CREB5: variants seen among roughly 807,000 people sequenced by gnomAD.
CREB5 encodes the protein cAMP responsive element binding protein 5, also known as cyclic AMP-responsive element-binding protein 5.
A neutral mutation model predicts 57.1 loss-of-function variants in CREB5; 19 were observed. The observed-to-expected ratio is 0.33, with a 90% CI of 0.23 to 0.49. CREB5 has a LOEUF of 0.49. Among genes scored for constraint, CREB5 ranks in the 20% least tolerant of loss-of-function variants. The pLI, the probability that CREB5 is intolerant of heterozygous loss-of-function variation, is 0.99. For synonymous variants in CREB5, 238 were observed against 238.3 expected, an observed-to-expected ratio of 1.00 and a Z score of 0.01; for missense variants, 579 against 671.6, an observed-to-expected ratio of 0.86 and a Z score of 1.52.
chr7:28,781,399 A>C (rs1259697683), intron 7 of CREB5, among the ~76,000 whole-genome samples: 1 of 152,222 alleles, frequency 6.6e-6, no homozygotes, highest in Non-Finnish European at 1.5e-5. Context: ...GGTCTTAAGG[A>C]ATCTACATGA....
intron 7 of CREB5, among the ~76,000 whole-genome samples, chr7:28,742,289 G>A (rs756784345): frequency 2.4e-4 from 36 of 150,786 alleles, no homozygotes; most frequent in Admixed American, 2.2e-3. Flanking sequence ...AAACCCGGCC[G>A]GGCGCGGTGG....
At chr7:28,647,381 AAAG>A (rs1182305675) in intron 5 of CREB5, among the ~76,000 whole-genome samples, 2 of 151,946 alleles carry the variant, frequency 1.3e-5, no homozygotes, top group African/African-American at 4.8e-5. Flanking sequence ...ATTCCCCCCA[AAAG>A]AGGAAAGTAG....
chr7:28,554,154 C>A (rs1294400399), intron 4 of CREB5, among the ~76,000 whole-genome samples: 1 of 152,186 alleles, frequency 6.6e-6, no homozygotes, highest in Non-Finnish European at 1.5e-5. Flanking sequence ...TCTAAAATCA[C>A]CCATCGTCAC....
intron 5 of CREB5, among the ~76,000 whole-genome samples, chr7:28,710,041 C>A (rs772051807): frequency 6.6e-6 from 1 of 152,106 alleles, no homozygotes; most frequent in African/African-American, 2.4e-5. Context: ...TATCCTTGGC[C>A]TTTTCTTATG....
At chr7:28,787,389 G>A (rs1807393442) in intron 7 of CREB5, among the ~76,000 whole-genome samples, 2 of 152,196 alleles carry the variant, frequency 1.3e-5, no homozygotes, top group African/African-American at 2.4e-5. Flanking sequence ...GCCTGGACTG[G>A]CAGTCAGGAG....
chr7:28,664,484 A>T (rs1478682315), intron 5 of CREB5, among the ~76,000 whole-genome samples: 1 of 151,864 alleles, frequency 6.6e-6, no homozygotes, highest in African/African-American at 2.4e-5. Flanking sequence ...CCAAGTATGA[A>T]GGTTTGACTA....
At chr7:28,686,095 A>G (rs910796715) in intron 5 of CREB5, 1 of 1,602,394 alleles carries the variant, frequency 6.2e-7, no homozygotes, top group Non-Finnish European at 8.5e-7. Flanking sequence ...GATATGACTC[A>G]CTCAAGCTAG....
At chr7:28,320,738 T>A (rs1167752357) in intron 1 of CREB5, among the ~76,000 whole-genome samples, 3 of 152,256 alleles carry the variant, frequency 2.0e-5, no homozygotes, top group Non-Finnish European at 4.4e-5. Flanking sequence ...TCCACTTCAC[T>A]CTACAGAGTC....
chr7:28,689,909 GGTGTGTGTGTGTGTGTGT>G (rs34310030), intron 5 of CREB5, among the ~76,000 whole-genome samples: 23 of 141,670 alleles, frequency 1.6e-4, no homozygotes, highest in East Asian at 8.7e-4. Flanking sequence ...ACTTGTATTT[GGTGTGTGTGTGTGTGTGT>G]GTGTGTGTGT....
chr7:28,560,187 A>G (rs1481973803), intron 4 of CREB5, among the ~76,000 whole-genome samples: 5 of 152,224 alleles, frequency 3.3e-5, no homozygotes, highest in African/African-American at 9.6e-5. Context: ...CAACAGATTT[A>G]TTGCTTAGAG....
At chr7:28,350,648 A>G (rs1159765457) in intron 1 of CREB5, among the ~76,000 whole-genome samples, 1 of 152,176 alleles carries the variant, frequency 6.6e-6, no homozygotes, top group Non-Finnish European at 1.5e-5. Context: ...TCTTTGCTCC[A>G]TGAAATCTAT....
Position 28,658,583 on chromosome 7 carries a change from A to G in CREB5, c.465-60170A>G, listed in dbSNP as rs145390920. ...CCCAGAACAAAGCACGTCTGCACTC[A>G]TGCACACAGAAACGTGAGAGACACC... is the stretch of plus-strand genomic sequence containing the variant. On this transcript the variant is annotated intron_variant, in intron 5 of 10. Transcript: ENST00000357727. Among the ~76,000 whole-genome samples, 553 of 152,326 alleles carry G rather than the reference A, an allele frequency of 3.6e-3. 6 individuals are homozygous for G. Among genetic ancestry groups the G allele is most frequent in the Middle Eastern group, 0.017 (5 of 294 alleles).
chr7:28,361,498 G>T (rs1241822481), intron 1 of CREB5, among the ~76,000 whole-genome samples: 1 of 152,188 alleles, frequency 6.6e-6, no homozygotes, highest in Non-Finnish European at 1.5e-5. Context: ...CTAGGTGGTG[G>T]GCATATGACC....
intron 8 of CREB5, among the ~76,000 whole-genome samples, chr7:28,808,713 T>G (rs1312055256): frequency 2.1e-4 from 3 of 14,120 alleles, no homozygotes; most frequent in East Asian, 4.5e-4. Context: ...CAATTTTTCC[T>G]TTTTTTTTTT....
intron 5 of CREB5, among the ~76,000 whole-genome samples, chr7:28,674,102 C>A (rs911675045): frequency 1.3e-5 from 2 of 151,126 alleles, no homozygotes; most frequent in Admixed American, 1.3e-4. Flanking sequence ...AGCTTTTGGA[C>A]TCACGCAGAT....
At chr7:28,388,455 C>A (rs1303645200) in intron 1 of CREB5, among the ~76,000 whole-genome samples, 2 of 152,180 alleles carry the variant, frequency 1.3e-5, no homozygotes, top group Admixed American at 6.5e-5. Flanking sequence ...TTGGCAGATG[C>A]CTACAGGGCA....
intron 5 of CREB5, among the ~76,000 whole-genome samples, chr7:28,702,797 A>AT (rs796505321): frequency 1.4e-4 from 21 of 152,336 alleles, no homozygotes; most frequent in African/African-American, 5.0e-4. Flanking sequence ...TTGGCCTTTA[A>AT]TTTGGGGGTC....
chr7:28,362,127 T>A lies in CREB5; in HGVS notation c.-25+62686T>A, dbSNP rs555573647. On this transcript the variant is annotated intron_variant, in intron 1 of 9. Coordinates refer to the CREB5 transcript ENST00000396299. Reference sequence around the variant, plus strand: ...TACATAGTATACTTATTGTAAAATATACATTTGAAGCTATCTTTTTTCATC... The same window carrying A: ...TACATAGTATACTTATTGTAAAATAAACATTTGAAGCTATCTTTTTTCATC... 2.6e-5 allele frequency among the ~76,000 whole-genome samples: 4 copies of A among 152,322 alleles called. No individual in the cohort carries two copies. In the East Asian group the frequency reaches 5.8e-4, roughly 22 times the overall value.
intron 1 of CREB5, among the ~76,000 whole-genome samples, chr7:28,425,580 T>C (rs1788474525): frequency 6.6e-6 from 1 of 152,176 alleles, no homozygotes; most frequent in South Asian, 2.1e-4. Context: ...GTGAGTGAAT[T>C]GTATGGTATG....
Sources: allele counts gnomAD v4.1 joint callset (sites outside exome capture counted in the v4.1 genomes callset), GRCh38; gene constraint gnomAD v4.1.1; transcripts MANE v1.5; gene names NCBI Gene and HGNC (gene_info 2026-07-23, HGNC 2026-07-21).